MSH4: variants seen among roughly 807,000 people sequenced by gnomAD.
MSH4 encodes mutS protein homolog 4.
MSH4 carries 106 observed loss-of-function variants against 113.7 expected under a neutral mutation model. That is an observed-to-expected ratio of 0.93 (90% CI 0.80 to 1.10). The LOEUF (loss-of-function observed/expected upper bound fraction) is 1.10, where lower values mean the gene tolerates loss of function less well. Ranked by LOEUF, MSH4 falls within the 50% of genes least tolerant of loss-of-function variation. MSH4 has a pLI of 0.00. For synonymous variants in MSH4, 368 were observed against 380.2 expected, an observed-to-expected ratio of 0.97 and a Z score of 0.37; for missense variants, 1,061 against 1,093.7, an observed-to-expected ratio of 0.97 and a Z score of 0.42.
chr1:75,851,600 G>A (rs761474171), intron 8 of MSH4, among the ~76,000 whole-genome samples: 1 of 151,936 alleles, frequency 6.6e-6, no homozygotes, highest in South Asian at 2.1e-4. Context: ...AGTACAGATG[G>A]GGTTTTGCCA....
At chr1:75,803,991 G>A in intron 2 of MSH4, 78 bp downstream of exon 2, 2 of 1,040,204 alleles carry the variant, frequency 1.9e-6, no homozygotes, top group East Asian at 3.0e-5. Flanking sequence ...GGGTTATTAA[G>A]TTCATTTGAA....
chr1:75,879,618 C>T lies in MSH4; in HGVS notation c.1678-432C>T, dbSNP rs5745457. ...CTTAGGGGGTACTTTTTGATAAGAA[C>T]AAACCATTTAGCTTTCAGGCTTTTA... On this transcript the variant is annotated intron_variant, in intron 12 of 19. Coordinates refer to ENST00000263187, the MANE Select transcript of MSH4 (RefSeq NM_002440.4). Among the ~76,000 whole-genome samples, 378 of 152,204 alleles carry T rather than the reference C, an allele frequency of 2.5e-3. 2 individuals are homozygous for T. Among genetic ancestry groups the T allele is most frequent in the African/African-American group, 8.9e-3 (369 of 41,546 alleles).
rs5745364 is a variant in MSH4, at chr1:75,812,706, AC to A, written c.699+1900del. 2.3e-3 allele frequency among the ~76,000 whole-genome samples: 349 copies of A among 152,254 alleles called. 1 individual carries two copies. Among genetic ancestry groups the A allele is most frequent in the Non-Finnish European group, 3.9e-3 (268 of 68,004 alleles). ...AAGACTCCATCTCAAAAGAACAACAACAAAAAATCTGGGTTTGCTAACTGGC... is the reference window on the plus strand; with the variant it reads ...AAGACTCCATCTCAAAAGAACAACAAAAAAAATCTGGGTTTGCTAACTGGC... On this transcript the variant is annotated intron_variant, in intron 4 of 19. Transcript: ENST00000263187.
intron 7 of MSH4, among the ~76,000 whole-genome samples, chr1:75,826,763 G>A (rs1267906222): frequency 2.6e-5 from 4 of 152,102 alleles, no homozygotes; most frequent in African/African-American, 7.2e-5. Context: ...CCATGCAGTT[G>A]TGCAGTTTTG....
intron 17 of MSH4, among the ~76,000 whole-genome samples, chr1:75,895,432 C>T (rs960123120): frequency 2.0e-5 from 3 of 152,080 alleles, no homozygotes; most frequent in African/African-American, 4.8e-5. Context: ...AGAGCTCTGA[C>T]TAGCTAGGGC....
intron 15 of MSH4, among the ~76,000 whole-genome samples, chr1:75,884,999 A>G (rs936809281): frequency 2.1e-5 from 3 of 144,576 alleles, no homozygotes; most frequent in South Asian, 2.1e-4. Context: ...GTGTATATAT[A>G]TGTGTGTGTG....
At chr1:75,873,938 G>A (rs1651764280) in intron 9 of MSH4, among the ~76,000 whole-genome samples, 1 of 152,180 alleles carries the variant, frequency 6.6e-6, no homozygotes, top group East Asian at 1.9e-4. Context: ...TATATACCCA[G>A]CAATGGGATT....
chr1:75,866,625 T>C (rs951185792), intron 8 of MSH4, among the ~76,000 whole-genome samples: 5 of 152,148 alleles, frequency 3.3e-5, no homozygotes, highest in Admixed American at 3.3e-4. Context: ...TCTAAATTGA[T>C]GCATATGGTC....
chr1:75,816,557 C>T lies in MSH4; in HGVS notation c.989+11C>T. On this transcript the variant is annotated intron_variant, in intron 6 of 19. Transcript: ENST00000263187. Reference sequence around the variant, plus strand: ...TAATCAAGACTATAGGTAAGATCATCCATTTTATTTGTATAAAATATATCG... The same window carrying T: ...TAATCAAGACTATAGGTAAGATCATTCATTTTATTTGTATAAAATATATCG... 1 of 1,468,452 alleles carries T rather than the reference C, an allele frequency of 6.8e-7. No individual in the cohort carries two copies. The highest frequency in any genetic ancestry group is 1.4e-5 in the South Asian group (1 of 71,704). 91.0% of individuals were successfully genotyped at this position (1,468,452 alleles called of 1,614,324 possible).
chr1:75,838,364 T>C (rs1257929106), intron 7 of MSH4, among the ~76,000 whole-genome samples: 4 of 152,222 alleles, frequency 2.6e-5, no homozygotes, highest in Non-Finnish European at 5.9e-5. Context: ...TTGTAAGGAC[T>C]CTTAAGATTA....
chr1:75,807,909 C>A (rs1146651), intron 3 of MSH4, among the ~76,000 whole-genome samples: 131,471 of 151,996 alleles, frequency 0.86, 57,093 homozygotes, highest in South Asian at 0.94. Context: ...ACAGAAATTG[C>A]ATTTGTCTCT....
intron 9 of MSH4, among the ~76,000 whole-genome samples, chr1:75,871,493 C>T (rs1454125079): frequency 2.6e-5 from 4 of 151,928 alleles, no homozygotes; most frequent in African/African-American, 4.8e-5. Context: ...TAAATGGTAC[C>T]AAAAATGTTA....
At chr1:75,893,365 T>C (rs749722129) in intron 17 of MSH4, among the ~76,000 whole-genome samples, 4 of 152,174 alleles carry the variant, frequency 2.6e-5, no homozygotes, top group Non-Finnish European at 5.9e-5. Flanking sequence ...CTCCCAGCTT[T>C]ATAGGGTATC....
At chr1:75,882,920 G>C (rs1342603489) in intron 14 of MSH4, among the ~76,000 whole-genome samples, 1 of 152,096 alleles carries the variant, frequency 6.6e-6, no homozygotes, top group African/African-American at 2.4e-5. Flanking sequence ...TTAAGGTAGA[G>C]TAAGTAAATA....
chr1:75,874,528 C>T (rs982658502), intron 9 of MSH4, among the ~76,000 whole-genome samples: 4 of 152,052 alleles, frequency 2.6e-5, no homozygotes, highest in Non-Finnish European at 4.4e-5. Context: ...CGCTATGTTA[C>T]GCAGGCTGGT....
chr1:75,907,660 A>C (rs1242370858), intron 19 of MSH4, among the ~76,000 whole-genome samples: 6 of 92,814 alleles, frequency 6.5e-5, no homozygotes, highest in South Asian at 6.8e-4. Context: ...TCCACGGTGT[A>C]TCTCTCTCTC....
chr1:75,867,702 A>AT, intron 9 of MSH4, 114 bp downstream of exon 9: 19 of 674,216 alleles, frequency 2.8e-5, no homozygotes, highest in Admixed American at 3.2e-5. Flanking sequence ...AATTTCCCAT[A>AT]TTTTTTTTCT....
chr1:75,889,752 C>G (rs1196088549), intron 16 of MSH4, among the ~76,000 whole-genome samples: 1 of 152,050 alleles, frequency 6.6e-6, no homozygotes, highest in Non-Finnish European at 1.5e-5. Context: ...AAAAATCATC[C>G]TCTTCTTTGT....
chr1:75,835,084 T>C (rs542432280), intron 7 of MSH4, among the ~76,000 whole-genome samples: 260 of 152,348 alleles, frequency 1.7e-3, no homozygotes, highest in Non-Finnish European at 3.1e-3. Flanking sequence ...TGCTTTCAGC[T>C]TGGTCTGTCT....
Sources: allele counts gnomAD v4.1 joint callset (sites outside exome capture counted in the v4.1 genomes callset), GRCh38; gene constraint gnomAD v4.1.1; transcripts MANE v1.5; gene names NCBI Gene and HGNC (gene_info 2026-07-23, HGNC 2026-07-21).